The following SLC18A2 variants were observed in gnomAD, a reference collection of about 807,000 sequenced individuals.
The protein encoded by SLC18A2 is synaptic vesicular amine transporter.
A neutral mutation model predicts 59.2 loss-of-function variants in SLC18A2; 33 were observed. The observed-to-expected ratio is 0.56, with a 90% CI of 0.42 to 0.75. SLC18A2 has a LOEUF of 0.75. Among genes scored for constraint, SLC18A2 ranks in the 30% least tolerant of loss-of-function variants. SLC18A2 has a pLI of 0.00. For missense variants in SLC18A2, 569 were observed against 668.6 expected (o/e 0.85, Z 1.64); for synonymous variants, 228 against 253.5 (o/e 0.90, Z 0.95).
At chr10:117,257,407 C>T (rs1239535109) in intron 9 of SLC18A2, among the ~76,000 whole-genome samples, 1 of 151,958 alleles carries the variant, frequency 6.6e-6, no homozygotes, top group Non-Finnish European at 1.5e-5. Flanking sequence ...AACACAGATG[C>T]GAGAGCCTCA....
In SLC18A2 at chr10:117,244,265, C is replaced by T. The variant is rs1447849455; in HGVS notation, c.416C>T (p.Ala139Val). Residue 139 changes from alanine to valine, a missense_variant, in exon 3 of 16, where the codon GCC becomes GTC. Ala to Val is a moderately conservative substitution (Grantham distance 64). This residue lies in a region of SLC18A2 where 377 missense variants were observed against 389.8 expected (regional missense o/e 0.97). Transcript: ENST00000644641. The stretch of plus-strand genomic sequence containing the variant: ...GTTGGTCTGTTGTTTGCCTCGAAAG[C>T]CACCGTCCAGCTCATCACCAACCCT... ...VQVGLLFASK[A>V]TVQLITNPFI... 1 of 1,614,182 alleles carries T rather than the reference C, an allele frequency of 6.2e-7. No homozygotes were observed. Among genetic ancestry groups the T allele is most frequent in the South Asian group, 1.1e-5 (1 of 91,082 alleles).
At chr10:117,243,650 A>G (rs61560104) in intron 2 of SLC18A2, among the ~76,000 whole-genome samples, 11,147 of 152,148 alleles carry the variant, frequency 0.073, 821 homozygotes, top group African/African-American at 0.19. Flanking sequence ...CAGTGGTGCA[A>G]TCTTTGCTCA....
At chr10:117,265,708 G>C (rs938468816) in intron 10 of SLC18A2, among the ~76,000 whole-genome samples, 21 of 152,056 alleles carry the variant, frequency 1.4e-4, no homozygotes, top group African/African-American at 4.8e-4. Flanking sequence ...ACAGGTTCAA[G>C]GCCACTGCTG....
In SLC18A2 at chr10:117,242,905, T is replaced by C. The variant is rs550231224; in HGVS notation, c.122-1066T>C. On this transcript the variant is annotated intron_variant, in intron 2 of 15. Transcript: ENST00000644641. Reference sequence around the variant, plus strand: ...CCCCACCAAAGCTGGCTAATTTTTGTATTTTTATTAGAGACAGGATTTTGC... The same window carrying C: ...CCCCACCAAAGCTGGCTAATTTTTGCATTTTTATTAGAGACAGGATTTTGC... Among the ~76,000 whole-genome samples the C allele has an allele frequency of 3.9e-5, 6 of 152,290 alleles. No individual in the cohort carries two copies. In the East Asian group the frequency reaches 1.2e-3, roughly 29 times the overall value.
chr10:117,271,054 T>C (rs1283627018), intron 15 of SLC18A2, among the ~76,000 whole-genome samples: 1 of 152,196 alleles, frequency 6.6e-6, no homozygotes, highest in East Asian at 1.9e-4. Flanking sequence ...TTTGAAAAAG[T>C]CCAAATTAAT....
intron 3 of SLC18A2, among the ~76,000 whole-genome samples, chr10:117,245,334 G>A (rs903108165): frequency 1.3e-5 from 2 of 152,184 alleles, no homozygotes; most frequent in African/African-American, 2.4e-5. Context: ...AGATGGTGGC[G>A]AGGAGAGGGT....
chr10:117,268,947 CAT>C lies in SLC18A2; in HGVS notation c.1187-1122_1187-1121del, dbSNP rs1460999092. The stretch of plus-strand genomic sequence containing the variant: ...AGAAGCTAAAACACACATGCACACA[CAT>C]ACATACACATACACACTCATACACA... On this transcript the variant is annotated intron_variant, in intron 13 of 15. Coordinates refer to ENST00000644641, the MANE Select transcript of SLC18A2 (RefSeq NM_003054.6). Among the ~76,000 whole-genome samples the C allele has an allele frequency of 6.6e-5, 10 of 151,184 alleles. No individual in the cohort carries two copies. The East Asian group carries it at 9.8e-4, about 15-fold the overall frequency.
Position 117,279,127 on chromosome 10 carries a change from C to T in SLC18A2, c.*1861C>T, listed in dbSNP as rs190547930. 245 of 152,290 alleles carry T rather than the reference C, an allele frequency of 1.6e-3. 5 individuals carry two copies. The highest frequency in any genetic ancestry group is 5.5e-3 in the African/African-American group (228 of 41,556). The allele number at this position is 152,290 out of a possible 1,614,324, so 9.4% of individuals were successfully genotyped here. ...TAAGATAAAATATAAATAAAACCTT[C>T]AGAACTGTTTTGGAGCAAAAGATAG... On this transcript the variant is annotated 3_prime_UTR_variant, in exon 16 of 16. Coordinates refer to ENST00000644641, the MANE Select transcript of SLC18A2 (RefSeq NM_003054.6).
At chr10:117,270,005 C>T in intron 13 of SLC18A2, 66 bp from the exon 14 acceptor site, 1 of 1,594,694 alleles carries the variant, frequency 6.3e-7, no homozygotes, top group Non-Finnish European at 8.6e-7. Flanking sequence ...GACACACTCC[C>T]TGATATTCGG....
At chr10:117,274,664 A>G (rs1471187832) in intron 15 of SLC18A2, among the ~76,000 whole-genome samples, 1 of 152,108 alleles carries the variant, frequency 6.6e-6, no homozygotes, top group Non-Finnish European at 1.5e-5. Flanking sequence ...TGCTTGGTAA[A>G]TAACTCATGT....
intron 10 of SLC18A2, among the ~76,000 whole-genome samples, chr10:117,260,164 G>T (rs1844279037): frequency 1.3e-5 from 2 of 152,190 alleles, no homozygotes; most frequent in African/African-American, 4.8e-5. Flanking sequence ...TCCTGTTTCA[G>T]CCTCTTGTGT....
At chr10:117,276,818 C>T (rs1282404431) in intron 15 of SLC18A2, among the ~76,000 whole-genome samples, 3 of 152,000 alleles carry the variant, frequency 2.0e-5, no homozygotes, top group African/African-American at 7.3e-5. Flanking sequence ...GACTGGGTGA[C>T]CTCCAGGATC....
At chr10:117,254,180 G>A (rs762463471) in intron 5 of SLC18A2, 49 bp downstream of exon 5, 13 of 1,558,604 alleles carry the variant, frequency 8.3e-6, no homozygotes, top group Non-Finnish European at 1.1e-5. Context: ...CTTGCAGAGT[G>A]AGCTGGACTC....
chr10:117,243,880 C>G, intron 2 of SLC18A2, 91 bp from the exon 3 acceptor site: 1 of 1,046,358 alleles, frequency 9.6e-7, no homozygotes, highest in Non-Finnish European at 1.4e-6. Context: ...GCCACTGCTC[C>G]CTGCCGACAC....
intron 10 of SLC18A2, among the ~76,000 whole-genome samples, chr10:117,266,111 A>AAAT (rs1554952656): frequency 1.3e-5 from 2 of 150,876 alleles, no homozygotes; most frequent in Admixed American, 6.6e-5. Context: ...AAAAAAAAAA[A>AAAT]TCTGACTTGA....
chr10:117,268,989 TACAC>T (rs780999179), intron 13 of SLC18A2, among the ~76,000 whole-genome samples: 2 of 150,766 alleles, frequency 1.3e-5, no homozygotes, highest in Non-Finnish European at 3.0e-5. Context: ...CACACATTCA[TACAC>T]ACAAACACAC....
intron 10 of SLC18A2, among the ~76,000 whole-genome samples, chr10:117,265,438 C>T (rs1400640686): frequency 6.6e-6 from 1 of 152,148 alleles, no homozygotes; most frequent in Non-Finnish European, 1.5e-5. Context: ...CTCACTTATG[C>T]AGTCCTCTGA....
At chr10:117,261,141 T>C (rs1442019290) in intron 10 of SLC18A2, among the ~76,000 whole-genome samples, 1 of 152,070 alleles carries the variant, frequency 6.6e-6, no homozygotes, top group Non-Finnish European at 1.5e-5. Context: ...GTGGATTTCT[T>C]GAGACCAGGA....
intron 3 of SLC18A2, among the ~76,000 whole-genome samples, chr10:117,249,157 C>T (rs578093068): frequency 1.3e-5 from 2 of 152,274 alleles, no homozygotes; most frequent in Admixed American, 1.3e-4. Flanking sequence ...ACAGGGAAAC[C>T]GGCTGTTCTG....
Sources: allele counts gnomAD v4.1 joint callset (sites outside exome capture counted in the v4.1 genomes callset), GRCh38; gene constraint gnomAD v4.1.1; regional missense constraint gnomAD v4.1.1; transcripts MANE v1.5; gene names NCBI Gene and HGNC (gene_info 2026-07-23, HGNC 2026-07-21).